The following TAS2R1 variants were observed in gnomAD, a reference collection of about 807,000 sequenced individuals.
The protein encoded by TAS2R1 is taste 2 receptor member 1.
For synonymous variants in TAS2R1, 141 were observed against 134.2 expected, an observed-to-expected ratio of 1.05 and a Z score of -0.35; for missense variants, 370 against 353.4, an observed-to-expected ratio of 1.05 and a Z score of -0.38.
the TAS2R1 span, among the ~76,000 whole-genome samples, chr5:9,794,125 AT>A: frequency 6.1e-4 from 93 of 152,330 alleles, 1 homozygote; most frequent in East Asian, 0.015. Flanking sequence ...TCTCTGGGTC[AT>A]TTAAGTCATT....
intron 2 of TAS2R1, among the ~76,000 whole-genome samples, chr5:9,652,439 C>T (rs1030246091): frequency 6.6e-6 from 1 of 152,120 alleles, no homozygotes; most frequent in African/African-American, 2.4e-5. Context: ...ATAAACACTA[C>T]CCAGTTACTA....
At chr5:9,871,606 A>G in the TAS2R1 span, among the ~76,000 whole-genome samples, 1 of 152,166 alleles carries the variant, frequency 6.6e-6, no homozygotes, top group Non-Finnish European at 1.5e-5. Context: ...ACCAAGAGCA[A>G]CAGTATCTAC....
chr5:9,789,392 G>C, the TAS2R1 span, among the ~76,000 whole-genome samples: 1 of 152,118 alleles, frequency 6.6e-6, no homozygotes, highest in African/African-American at 2.4e-5. Context: ...CAGATCCTTC[G>C]ACAGATTTAA....
At chr5:9,679,063 G>T (rs1189769482) in intron 1 of TAS2R1, among the ~76,000 whole-genome samples, 1 of 152,278 alleles carries the variant, frequency 6.6e-6, no homozygotes, top group Non-Finnish European at 1.5e-5. Context: ...CACAAACATG[G>T]AGTGACCTTA....
chr5:9,633,905 A>T (rs966445934), upstream of TAS2R1, among the ~76,000 whole-genome samples: 1 of 151,566 alleles, frequency 6.6e-6, no homozygotes, highest in Non-Finnish European at 1.5e-5. Flanking sequence ...TCATCTGTTT[A>T]CTCTGCTGAT....
At chr5:9,684,956 T>A (rs556814533) in intron 1 of TAS2R1, among the ~76,000 whole-genome samples, 23 of 152,218 alleles carry the variant, frequency 1.5e-4, no homozygotes, top group Admixed American at 4.6e-4. Flanking sequence ...GGCATCTTCC[T>A]CCCCTGACAC....
At chr5:9,697,080 G>A (rs1741376707) in intron 1 of TAS2R1, among the ~76,000 whole-genome samples, 1 of 151,750 alleles carries the variant, frequency 6.6e-6, no homozygotes, top group South Asian at 2.1e-4. Flanking sequence ...ACGAGGAGAA[G>A]GAGAAAGGAA....
chr5:9,883,491 T>C, the TAS2R1 span: 1 of 152,166 alleles, frequency 6.6e-6, no homozygotes, highest in Non-Finnish European at 1.5e-5. Context: ...GAAGCATACA[T>C]GGATTTCGTA....
upstream of TAS2R1, among the ~76,000 whole-genome samples, chr5:9,631,253 C>G (rs1312651032): frequency 6.6e-6 from 1 of 151,402 alleles, no homozygotes. Context: ...CTCTCTCTCT[C>G]TTTAGAGACA....
chr5:9,725,972 C>T, the TAS2R1 span, among the ~76,000 whole-genome samples: 728 of 140,406 alleles, frequency 5.2e-3, no homozygotes, highest in Middle Eastern at 0.011. Flanking sequence ...ATACACCAAT[C>T]GGCACTCTGT....
rs371140599 is a variant in TAS2R1 at position 9,708,067 on chromosome 5, T to C, written c.-242+4105A>G. On this transcript the variant is annotated intron_variant, in intron 1 of 2. Transcript: ENST00000506620. Reference sequence around the variant, plus strand: ...AATATTCTGTCTTTACGGCGCAAGCTCCTGGCCGCATAGATCAGCATTTGA... The same window carrying C: ...AATATTCTGTCTTTACGGCGCAAGCCCCTGGCCGCATAGATCAGCATTTGA... 7.9e-5 allele frequency among the ~76,000 whole-genome samples: 12 copies of C among 152,148 alleles called. No homozygotes were observed. In the East Asian group the frequency reaches 1.9e-3, roughly 25 times the overall value.
chr5:9,863,541 G>GGGCGT, the TAS2R1 span, among the ~76,000 whole-genome samples: 1 of 152,044 alleles, frequency 6.6e-6, no homozygotes, highest in African/African-American at 2.4e-5. Flanking sequence ...TTTGGATTAC[G>GGGCGT]GGCGTGAGCC....
the TAS2R1 span, among the ~76,000 whole-genome samples, chr5:9,852,033 C>T: frequency 1.3e-5 from 2 of 152,236 alleles, no homozygotes; most frequent in South Asian, 2.1e-4. Flanking sequence ...TAAATACCTC[C>T]TGTAGAAGGG....
the TAS2R1 span, among the ~76,000 whole-genome samples, chr5:9,818,307 TCA>T: frequency 6.6e-6 from 1 of 152,226 alleles, no homozygotes; most frequent in Non-Finnish European, 1.5e-5. Flanking sequence ...TCTTGCTCTC[TCA>T]GAGTCAGAGA....
chr5:9,815,985 A>T, the TAS2R1 span, among the ~76,000 whole-genome samples: 2 of 152,190 alleles, frequency 1.3e-5, no homozygotes, highest in Non-Finnish European at 2.9e-5. Context: ...GTATGCCCTA[A>T]CTAATCAACA....
the TAS2R1 span, among the ~76,000 whole-genome samples, chr5:9,852,977 G>T: frequency 6.6e-6 from 1 of 152,028 alleles, no homozygotes; most frequent in Non-Finnish European, 1.5e-5. Context: ...AAAATGTTTT[G>T]GCACTGGAAA....
chr5:9,648,782 C>T (rs1193883394), intron 2 of TAS2R1, among the ~76,000 whole-genome samples: 2 of 152,036 alleles, frequency 1.3e-5, no homozygotes, highest in Admixed American at 6.6e-5. Flanking sequence ...CTTTTGGATA[C>T]ATATGGACCT....
chr5:9,783,657 G>A, the TAS2R1 span, among the ~76,000 whole-genome samples: 1 of 152,162 alleles, frequency 6.6e-6, no homozygotes, highest in Non-Finnish European at 1.5e-5. Context: ...AATGGAATAA[G>A]AATATTTCAA....
chr5:9,780,705 A>G, the TAS2R1 span, among the ~76,000 whole-genome samples: 1 of 150,880 alleles, frequency 6.6e-6, no homozygotes, highest in Non-Finnish European at 1.5e-5. Context: ...GCGCGCGCGC[A>G]TGCACGCACA....
Sources: gnomAD v4.1 joint callset for allele counts (sites outside exome capture counted in the v4.1 genomes callset) on GRCh38, gnomAD v4.1.1 for gene constraint, MANE v1.5 for transcripts, NCBI Gene and HGNC (gene_info 2026-07-23, HGNC 2026-07-21) for gene names.